The following TTC27 variants were observed in gnomAD, a reference collection of about 807,000 sequenced individuals.
TTC27 encodes the protein tetratricopeptide repeat domain 27, also known as tetratricopeptide repeat protein 27.
TTC27 carries 79 observed loss-of-function variants against 115.9 expected under a neutral mutation model. The ratio of observed to expected loss-of-function variants is 0.68; its 90% CI spans 0.57 to 0.82. The LOEUF is 0.82. Ranked by LOEUF, TTC27 falls within the 40% of genes least tolerant of loss-of-function variation. The pLI is 0.00. For synonymous variants in TTC27, 401 were observed against 356.0 expected, an observed-to-expected ratio of 1.13 and a Z score of -1.42; for missense variants, 1,054 against 993.1, an observed-to-expected ratio of 1.06 and a Z score of -0.82.
rs1435043675 is a variant in TTC27 at position 32,664,492 on chromosome 2, T to C, written c.805+25T>C. 4.4e-6 allele frequency: 7 copies of C among 1,580,428 alleles called. No individual in the cohort carries two copies. The East Asian group carries it at 6.7e-5, about 15-fold the overall frequency. ...GGTAAGACTTATTTTTTGTGGATAA[T>C]TGATTTTATTTTTATGATAAAACTA... On this transcript the variant is annotated intron_variant, in intron 6 of 19. Coordinates refer to ENST00000317907, the MANE Select transcript of TTC27 (RefSeq NM_017735.5).
chr2:32,685,339 G>A (rs985762548), intron 9 of TTC27, among the ~76,000 whole-genome samples: 1 of 151,930 alleles, frequency 6.6e-6, no homozygotes, highest in African/African-American at 2.4e-5. Flanking sequence ...CTGCCTGTTC[G>A]TTAAGTTATC....
chr2:32,766,376 A>C, intron 13 of TTC27: 1 of 224,084 alleles, frequency 4.5e-6, no homozygotes, highest in Non-Finnish European at 9.5e-6. Flanking sequence ...TTTTGATTTA[A>C]AGTAGGGTAT....
intron 16 of TTC27, among the ~76,000 whole-genome samples, chr2:32,794,657 C>A (rs1670640474): frequency 6.6e-6 from 1 of 151,562 alleles, no homozygotes; most frequent in Admixed American, 6.6e-5. Flanking sequence ...AAAATTAGGT[C>A]TTTGAAAAGA....
chr2:32,634,661 A>G (rs143681219), intron 3 of TTC27, among the ~76,000 whole-genome samples: 3 of 151,402 alleles, frequency 2.0e-5, no homozygotes, highest in African/African-American at 7.3e-5. Flanking sequence ...CTAATTAATT[A>G]ATTAATTTTT....
In TTC27 at chr2:32,664,394, T is replaced by C. The variant is rs1368901940; in HGVS notation, c.732T>C (p.Tyr244=). The C allele has an allele frequency of 6.2e-7, 1 of 1,612,600 alleles. No individual in the cohort carries two copies. The highest frequency in any genetic ancestry group is 8.5e-7 in the Non-Finnish European group (1 of 1,179,508). ...HLECAYVFLY[Y]YEYRKAKDQL... ...AATGTGCATATGTGTTTTTATATTA[T>C]TATGAGTACAGAAAAGCAAAAGATC... Residue 244 remains tyrosine (Y), a synonymous_variant, in exon 6 of 20, where the codon TAT becomes TAC. Coordinates refer to ENST00000317907, the MANE Select transcript of TTC27 (RefSeq NM_017735.5).
At chr2:32,663,680 G>GTATT (rs1313931097) in intron 5 of TTC27, among the ~76,000 whole-genome samples, 193 of 54,626 alleles carry the variant, frequency 3.5e-3, no homozygotes, top group African/African-American at 0.01. Flanking sequence ...ATGTATGTAT[G>GTATT]TATTTATTTA....
At chr2:32,783,605 T>C (rs1003964160) in intron 15 of TTC27, among the ~76,000 whole-genome samples, 1 of 152,206 alleles carries the variant, frequency 6.6e-6, no homozygotes, top group Admixed American at 6.5e-5. Flanking sequence ...TTGGGGAAGA[T>C]TTATCTGGTG....
At chr2:32,764,461 A>T (rs1669555762) in intron 13 of TTC27, among the ~76,000 whole-genome samples, 1 of 152,328 alleles carries the variant, frequency 6.6e-6, no homozygotes, top group Middle Eastern at 3.4e-3. Context: ...AAAAAATGCT[A>T]ATGATTATCT....
At chr2:32,754,884 C>A (rs958136552) in intron 12 of TTC27, among the ~76,000 whole-genome samples, 1 of 149,754 alleles carries the variant, frequency 6.7e-6, no homozygotes, top group Non-Finnish European at 1.5e-5. Flanking sequence ...GCTGACCCCC[C>A]CCACCTCCCT....
chr2:32,774,900 T>C (rs1669943596), intron 13 of TTC27, among the ~76,000 whole-genome samples: 1 of 152,140 alleles, frequency 6.6e-6, no homozygotes, highest in Non-Finnish European at 1.5e-5. Flanking sequence ...TTCCTTCCAA[T>C]GCAAAGTATT....
chr2:32,684,541 G>A (rs116272323), intron 9 of TTC27, among the ~76,000 whole-genome samples: 2,073 of 151,984 alleles, frequency 0.014, 38 homozygotes, highest in African/African-American at 0.048. Flanking sequence ...AATGAAAGAA[G>A]GAAAAAGATC....
chr2:32,657,704 C>T (rs1040279435), intron 5 of TTC27, among the ~76,000 whole-genome samples: 1 of 152,146 alleles, frequency 6.6e-6, no homozygotes, highest in Non-Finnish European at 1.5e-5. Context: ...TATCCTTCCC[C>T]TAAAAACTTT....
chr2:32,775,864 G>C (rs564824694), intron 13 of TTC27, among the ~76,000 whole-genome samples: 172 of 152,230 alleles, frequency 1.1e-3, no homozygotes, highest in African/African-American at 4.0e-3. Flanking sequence ...CTTTTTACTT[G>C]GTTGGAGTTT....
At chr2:32,805,373 G>A (rs911143971) in intron 16 of TTC27, among the ~76,000 whole-genome samples, 2 of 152,214 alleles carry the variant, frequency 1.3e-5, no homozygotes, top group East Asian at 1.9e-4. Flanking sequence ...CAGGTCACTG[G>A]TGATCAGAAT....
intron 18 of TTC27, among the ~76,000 whole-genome samples, chr2:32,815,903 C>T (rs961860432): frequency 6.6e-6 from 1 of 152,168 alleles, no homozygotes; most frequent in Non-Finnish European, 1.5e-5. Context: ...CTCATTATTA[C>T]TCTAAGATAG....
chr2:32,652,269 G>T (rs1398167474), intron 5 of TTC27, among the ~76,000 whole-genome samples: 1 of 152,126 alleles, frequency 6.6e-6, no homozygotes, highest in Non-Finnish European at 1.5e-5. Flanking sequence ...TACTCAGGAG[G>T]CTGAGGCAGG....
chr2:32,701,023 A>G (rs535817041), intron 9 of TTC27, among the ~76,000 whole-genome samples: 1 of 152,328 alleles, frequency 6.6e-6, no homozygotes, highest in African/African-American at 2.4e-5. Context: ...AAGGTTATGC[A>G]TTAAATCTTG....
chr2:32,711,137 A>AAAG lies in TTC27; in HGVS notation c.1233+8234_1233+8236dup, dbSNP rs1208910742. On this transcript the variant is annotated intron_variant, in intron 10 of 19. Transcript: ENST00000317907. ...GTCTCAAAAAAAAAAAAAAAAAAAA[A>AAAG]AAGAAGAAGAAGAAGAAGAGAAGAG... is the stretch of plus-strand genomic sequence containing the variant. Among the ~76,000 whole-genome samples the AAAG allele has an allele frequency of 1.5e-4, 22 of 149,612 alleles. 1 individual carries two copies. Among genetic ancestry groups the AAAG allele is most frequent in the South Asian group, 8.4e-4 (4 of 4,760 alleles).
At chr2:32,703,016 T>A (rs1667243178) in intron 10 of TTC27, 96 bp downstream of exon 10, 1 of 825,554 alleles carries the variant, frequency 1.2e-6, no homozygotes, top group Non-Finnish European at 2.0e-6. Flanking sequence ...TGAAATGGCT[T>A]ACATTTCACT....
Sources: allele counts gnomAD v4.1 joint callset (sites outside exome capture counted in the v4.1 genomes callset), GRCh38; gene constraint gnomAD v4.1.1; transcripts MANE v1.5; gene names NCBI Gene and HGNC (gene_info 2026-07-23, HGNC 2026-07-21).